Variants in MSR1 observed in about 807,000 individuals in gnomAD.
The protein encoded by MSR1 is macrophage scavenger receptor types I and II.
A neutral mutation model predicts 47.2 loss-of-function variants in MSR1; 53 were observed. The observed-to-expected ratio is 1.12, with a 90% CI of 0.90 to 1.41. The LOEUF (loss-of-function observed/expected upper bound fraction) is 1.41, where lower values mean the gene tolerates loss of function less well. Ranked by LOEUF, MSR1 falls within the 40% of genes most tolerant of loss-of-function variation. MSR1 has a pLI of 0.00. For missense variants in MSR1, 786 were observed against 546.9 expected (o/e 1.44, Z -4.36); for synonymous variants, 239 against 185.6 (o/e 1.29, Z -2.34).
intron 8 of MSR1, among the ~76,000 whole-genome samples, chr8:16,123,091 C>T (rs1189651587): frequency 3.9e-5 from 6 of 151,900 alleles, no homozygotes; most frequent in African/African-American, 9.7e-5. Context: ...GTGATCCGCC[C>T]GACTCGGCCT....
Position 16,189,538 on chromosome 8 carries a change from ATT to A in MSR1, c.-5+3058_-5+3059del, listed in dbSNP as rs1304714810. Among the ~76,000 whole-genome samples the A allele has an allele frequency of 3.4e-5, 3 of 88,238 alleles. 1 individual carries two copies. Among genetic ancestry groups the A allele is most frequent in the African/African-American group, 1.9e-4 (3 of 15,590 alleles). The allele number at this position is 88,238 out of a possible 152,430, so 57.9% of individuals were successfully genotyped here. A position where few individuals can be genotyped will look rare whatever the true frequency, so the allele number is the denominator to read the frequency against. ...ATATAAAAAATCATATTTTATATAT[ATT>A]TTATATATTTTATATATATGAAATC... On this transcript the variant is annotated intron_variant, in intron 1 of 9. Coordinates refer to ENST00000262101, the MANE Select transcript of MSR1 (RefSeq NM_138715.3).
At chr8:16,122,413 T>A (rs557238734) in intron 8 of MSR1, among the ~76,000 whole-genome samples, 1 of 152,140 alleles carries the variant, frequency 6.6e-6, no homozygotes, top group Non-Finnish European at 1.5e-5. Context: ...ACATAATATA[T>A]TTATCATGCA....
At chr8:16,122,549 GT>G (rs1262323639) in intron 8 of MSR1, among the ~76,000 whole-genome samples, 1 of 152,070 alleles carries the variant, frequency 6.6e-6, no homozygotes, top group East Asian at 1.9e-4. Flanking sequence ...CTTCCAAAAT[GT>G]CATAAATGAG....
intron 8 of MSR1, among the ~76,000 whole-genome samples, chr8:16,127,511 G>A (rs1192657564): frequency 2.0e-5 from 3 of 152,096 alleles, no homozygotes; most frequent in African/African-American, 7.2e-5. Context: ...ATCTTTTCGG[G>A]TTAGGCAATG....
intron 8 of MSR1, among the ~76,000 whole-genome samples, chr8:16,138,433 T>G (rs1800444790): frequency 6.6e-6 from 1 of 152,180 alleles, no homozygotes; most frequent in South Asian, 2.1e-4. Flanking sequence ...TTGATAAAAT[T>G]TGTGCCATTT....
chr8:16,178,665 C>T (rs562745031), intron 1 of MSR1, among the ~76,000 whole-genome samples: 1 of 152,124 alleles, frequency 6.6e-6, no homozygotes, highest in Non-Finnish European at 1.5e-5. Context: ...TTCTAAATCC[C>T]TGAGGAATTG....
chr8:16,118,102 T>C (rs899827679), intron 9 of MSR1, among the ~76,000 whole-genome samples: 1 of 152,190 alleles, frequency 6.6e-6, no homozygotes, highest in South Asian at 2.1e-4. Flanking sequence ...TCCAGACTAG[T>C]GGTATTTTAG....
At chr8:16,143,648 G>A in intron 7 of MSR1, 37 bp from the exon 8 acceptor site, 1 of 1,536,416 alleles carries the variant, frequency 6.5e-7, no homozygotes. Flanking sequence ...TTTTAATCAG[G>A]GCAATTCACA....
intron 9 of MSR1, among the ~76,000 whole-genome samples, chr8:16,120,139 T>C (rs1799963635): frequency 6.6e-6 from 1 of 151,782 alleles, no homozygotes; most frequent in African/African-American, 2.4e-5. Flanking sequence ...GCACTTTAGG[T>C]TGGCGAGGCG....
chr8:16,145,241 A>G (rs1193609155), intron 7 of MSR1, among the ~76,000 whole-genome samples: 3 of 152,058 alleles, frequency 2.0e-5, no homozygotes, highest in African/African-American at 7.2e-5. Context: ...AGGTACTGCT[A>G]AATTGGCAAA....
intron 1 of MSR1, among the ~76,000 whole-genome samples, chr8:16,181,802 A>T (rs1267797004): frequency 2.2e-5 from 2 of 92,490 alleles, no homozygotes; most frequent in African/African-American, 5.1e-5. Flanking sequence ...GTATAATTTA[A>T]AAAAAAAAAA....
At chr8:16,158,564 C>T (rs1486288842) in intron 5 of MSR1, among the ~76,000 whole-genome samples, 2 of 151,890 alleles carry the variant, frequency 1.3e-5, no homozygotes, top group Admixed American at 6.6e-5. Flanking sequence ...TCAATCTTGT[C>T]TCATATTCAG....
intron 4 of MSR1, 84 bp from the exon 5 acceptor site, chr8:16,164,335 G>A: frequency 8.3e-7 from 1 of 1,207,254 alleles, no homozygotes; most frequent in Non-Finnish European, 1.2e-6. Context: ...TCGGAGTTCA[G>A]GTTTTTAAAA....
chr8:16,150,126 G>C (rs1474504025), intron 7 of MSR1, 105 bp downstream of exon 7: 1 of 206,086 alleles, frequency 4.9e-6, no homozygotes, highest in African/African-American at 3.8e-5. Flanking sequence ...ATGTGTGTGT[G>C]TATGTGTGTG....
At chr8:16,134,090 C>T (rs1430270350) in intron 8 of MSR1, among the ~76,000 whole-genome samples, 2 of 152,142 alleles carry the variant, frequency 1.3e-5, no homozygotes, top group East Asian at 3.9e-4. Flanking sequence ...TTTTTGTCAA[C>T]TGCTGATTCC....
chr8:16,132,268 T>C (rs2117086905), intron 8 of MSR1, among the ~76,000 whole-genome samples: 1 of 152,182 alleles, frequency 6.6e-6, no homozygotes, highest in East Asian at 1.9e-4. Flanking sequence ...TGGGGTTGCA[T>C]TCCTGATTTG....
intron 9 of MSR1, among the ~76,000 whole-genome samples, chr8:16,117,735 A>G (rs537303856): frequency 3.6e-4 from 55 of 152,228 alleles, no homozygotes; most frequent in African/African-American, 1.3e-3. Context: ...GTACATAAGC[A>G]ACACACTTCA....
At chr8:16,139,486 T>C (rs1009723928) in intron 8 of MSR1, 26 of 983,830 alleles carry the variant, frequency 2.6e-5, no homozygotes, top group Middle Eastern at 5.2e-4. Context: ...TCTACTAGAA[T>C]CTTAATAGTA....
chr8:16,117,510 G>T, intron 9 of MSR1, among the ~76,000 whole-genome samples: 1 of 152,136 alleles, frequency 6.6e-6, no homozygotes, highest in East Asian at 1.9e-4. Flanking sequence ...AAAGTGAGTT[G>T]ATGTACTTCA....
Sources: allele counts gnomAD v4.1 joint callset (sites outside exome capture counted in the v4.1 genomes callset), GRCh38; gene constraint gnomAD v4.1.1; transcripts MANE v1.5; gene names NCBI Gene and HGNC (gene_info 2026-07-23, HGNC 2026-07-21).